The following LRRC37A2 variants were observed in gnomAD, a reference collection of about 807,000 sequenced individuals.
LRRC37A2 encodes the protein leucine rich repeat containing 37 member A2.
LRRC37A2 carries 9 observed loss-of-function variants against 68.8 expected under a neutral mutation model. That is an observed-to-expected ratio of 0.13 (90% CI 0.08 to 0.23). The LOEUF is 0.23. Among genes scored for constraint, LRRC37A2 ranks in the 10% least tolerant of loss-of-function variants. LRRC37A2 has a pLI of 1.00. For synonymous variants in LRRC37A2, 63 were observed against 367.6 expected (o/e 0.17, Z 9.48); for missense variants, 168 against 950.4 (o/e 0.18, Z 10.82).
intron 6 of LRRC37A2, among the ~76,000 whole-genome samples, chr17:46,534,191 GT>G (rs1401077215): frequency 1.3e-5 from 2 of 149,018 alleles, no homozygotes; most frequent in African/African-American, 5.1e-5. Flanking sequence ...TTTTGTTTTT[GT>G]TTTTGTTTTT....
the LRRC37A2 span, chr17:46,884,982 T>C: frequency 7.0e-6 from 3 of 429,614 alleles, no homozygotes; most frequent in Non-Finnish European, 1.4e-5. Flanking sequence ...GCTCCCTCTT[T>C]TATATTTCCT....
the LRRC37A2 span, among the ~76,000 whole-genome samples, chr17:46,780,847 C>T: frequency 1.3e-5 from 2 of 152,252 alleles, no homozygotes; most frequent in South Asian, 4.1e-4. Flanking sequence ...GTGCTACTCA[C>T]AGCAGCCAAA....
the LRRC37A2 span, among the ~76,000 whole-genome samples, chr17:46,810,133 A>G: frequency 6.7e-6 from 1 of 149,730 alleles, no homozygotes; most frequent in East Asian, 2.0e-4. Context: ...CAGCCTTCCG[A>G]GTAGCTGGGA....
chr17:46,589,340 ATTTTTTTTTTTTT>A, the LRRC37A2 span, among the ~76,000 whole-genome samples: 2 of 78,676 alleles, frequency 2.5e-5, no homozygotes, highest in Non-Finnish European at 4.0e-5. Context: ...ATAGGCGTGA[ATTTTTTTTTTTTT>A]TTTTTTTTTT....
chr17:46,733,969 A>G, the LRRC37A2 span, among the ~76,000 whole-genome samples: 1 of 152,346 alleles, frequency 6.6e-6, no homozygotes, highest in Middle Eastern at 3.4e-3. Flanking sequence ...GTGGACCAAT[A>G]AGAAACTGTC....
At chr17:46,709,821 A>G in the LRRC37A2 span, among the ~76,000 whole-genome samples, 1 of 152,134 alleles carries the variant, frequency 6.6e-6, no homozygotes, top group Non-Finnish European at 1.5e-5. Context: ...ACAGCCATTT[A>G]GCCAGTTTGG....
At chr17:46,851,251 T>A in the LRRC37A2 span, among the ~76,000 whole-genome samples, 4 of 151,186 alleles carry the variant, frequency 2.6e-5, no homozygotes, top group Non-Finnish European at 4.4e-5. This position sits in a 1 kb window ranked among gnomAD's most constrained non-coding sequence, Gnocchi z 4.3. Flanking sequence ...CTCCGCCCCA[T>A]CCCGGAGAGG....
At chr17:46,783,651 G>A in the LRRC37A2 span, among the ~76,000 whole-genome samples, 8 of 152,294 alleles carry the variant, frequency 5.3e-5, no homozygotes, top group East Asian at 9.7e-4. Flanking sequence ...CAGGGCGAGC[G>A]ATCTCTAGGA....
At chr17:46,864,009 T>C in the LRRC37A2 span, among the ~76,000 whole-genome samples, 1 of 152,186 alleles carries the variant, frequency 6.6e-6, no homozygotes, top group African/African-American at 2.4e-5. Context: ...CATCTCTGCC[T>C]AGAGCCTGTG....
the LRRC37A2 span, among the ~76,000 whole-genome samples, chr17:46,732,275 G>A: frequency 8.5e-5 from 13 of 152,098 alleles, no homozygotes; most frequent in African/African-American, 9.7e-5. Flanking sequence ...ATGTGTGCAC[G>A]TGCTCAAATA....
At chr17:46,892,730 G>A in the LRRC37A2 span, among the ~76,000 whole-genome samples, 1 of 152,076 alleles carries the variant, frequency 6.6e-6, no homozygotes, top group African/African-American at 2.4e-5. Context: ...AAACAGTCCT[G>A]TGATGTGCCA....
chr17:46,456,318 T>G, the LRRC37A2 span, among the ~76,000 whole-genome samples: 1 of 68,080 alleles, frequency 1.5e-5, no homozygotes. Flanking sequence ...AATTTTTTAT[T>G]TTTATAGAGA....
the LRRC37A2 span, among the ~76,000 whole-genome samples, chr17:46,967,746 C>T: frequency 6.6e-6 from 1 of 152,156 alleles, no homozygotes; most frequent in South Asian, 2.1e-4. Context: ...AGACTGACTA[C>T]AGGCTACTGG....
chr17:47,022,108 G>A, the LRRC37A2 span, among the ~76,000 whole-genome samples: 1 of 148,600 alleles, frequency 6.7e-6, no homozygotes, highest in Non-Finnish European at 1.5e-5. Flanking sequence ...TAAAATAAGA[G>A]GCAATTTAAA....
At chr17:46,949,084 C>T in the LRRC37A2 span, 1 of 152,252 alleles carries the variant, frequency 6.6e-6, no homozygotes, top group Non-Finnish European at 1.5e-5. Context: ...TCAGTTGCTA[C>T]ACCTCACAGC....
At chr17:46,839,515 A>T in the LRRC37A2 span, among the ~76,000 whole-genome samples, 1 of 152,214 alleles carries the variant, frequency 6.6e-6, no homozygotes, top group Admixed American at 6.5e-5. Context: ...CACAGGCTGT[A>T]AATTCTTTAT....
intron 11 of LRRC37A2, among the ~76,000 whole-genome samples, chr17:46,550,891 C>T (rs1195854352): frequency 6.8e-6 from 1 of 147,224 alleles, no homozygotes; most frequent in Non-Finnish European, 1.5e-5. Flanking sequence ...TCTCCACCCT[C>T]ACGGAGTTGT....
At chr17:47,019,624 T>C in the LRRC37A2 span, 1,280 of 1,442,190 alleles carry the variant, frequency 8.9e-4, 10 homozygotes, top group South Asian at 6.4e-3. Flanking sequence ...GAAAGTTACA[T>C]CCAAGATAAG....
the LRRC37A2 span, among the ~76,000 whole-genome samples, chr17:46,976,975 C>T: frequency 6.6e-6 from 1 of 152,166 alleles, no homozygotes; most frequent in Admixed American, 6.5e-5. Flanking sequence ...GTCAGTTCCT[C>T]CCCTCACTGG....
Sources: allele counts gnomAD v4.1 joint callset (sites outside exome capture counted in the v4.1 genomes callset), GRCh38; gene constraint gnomAD v4.1.1; non-coding constraint Gnocchi (gnomAD v3.1); transcripts MANE v1.5; gene names NCBI Gene and HGNC (gene_info 2026-07-23, HGNC 2026-07-21).